PEX14: variants seen among roughly 807,000 people sequenced by gnomAD.
PEX14 encodes peroxisomal membrane protein PEX14.
A neutral mutation model predicts 49.5 loss-of-function variants in PEX14; 15 were observed. The observed-to-expected ratio is 0.30, with a 90% CI of 0.20 to 0.47. The LOEUF (loss-of-function observed/expected upper bound fraction) is 0.47, where lower values mean the gene tolerates loss of function less well. PEX14 is among the 20% of genes least tolerant of loss of function. PEX14 has a pLI of 1.00. For synonymous variants in PEX14, 210 were observed against 212.7 expected, an observed-to-expected ratio of 0.99 and a Z score of 0.11; for missense variants, 398 against 494.8, an observed-to-expected ratio of 0.80 and a Z score of 1.86.
chr1:10,476,975 A>AT (rs375706430), intron 1 of PEX14, among the ~76,000 whole-genome samples: 4 of 151,796 alleles, frequency 2.6e-5, no homozygotes, highest in African/African-American at 9.7e-5. Flanking sequence ...CACTTGTTTG[A>AT]TTTTCAGCTC....
chr1:10,585,154 T>C (rs1320981967), intron 3 of PEX14, among the ~76,000 whole-genome samples: 1 of 152,330 alleles, frequency 6.6e-6, no homozygotes, highest in South Asian at 2.1e-4. Context: ...CAGTAATTAC[T>C]GTTGCAGACA....
At chr1:10,537,274 G>T (rs1023100788) in intron 3 of PEX14, among the ~76,000 whole-genome samples, 2 of 148,810 alleles carry the variant, frequency 1.3e-5, no homozygotes, top group African/African-American at 2.5e-5. Flanking sequence ...CAGCCCCAAG[G>T]CTGGGTCCCT....
At chr1:10,546,022 G>A (rs892122692) in intron 3 of PEX14, among the ~76,000 whole-genome samples, 1 of 152,100 alleles carries the variant, frequency 6.6e-6, no homozygotes, top group Admixed American at 6.6e-5. Context: ...TGTAGCCTGG[G>A]TGACAGAGCA....
intron 7 of PEX14, 136 bp downstream of exon 7, chr1:10,624,573 G>A (rs1641691792): frequency 5.7e-6 from 4 of 700,130 alleles, no homozygotes; most frequent in Non-Finnish European, 8.0e-6. Context: ...CACAGCCGTG[G>A]CCGATGCTGC....
intron 7 of PEX14, among the ~76,000 whole-genome samples, chr1:10,625,781 G>A (rs1346689670): frequency 6.6e-6 from 1 of 152,212 alleles, no homozygotes; most frequent in Non-Finnish European, 1.5e-5. Flanking sequence ...CAGGCCTTAC[G>A]CCTGAGATTA....
intron 3 of PEX14, among the ~76,000 whole-genome samples, chr1:10,582,619 G>A (rs1011059207): frequency 6.6e-6 from 1 of 152,184 alleles, no homozygotes; most frequent in Admixed American, 6.5e-5. Context: ...CATCAGGGGT[G>A]GAAGACTGAT....
At chr1:10,593,045 G>A (rs1640717056) in intron 3 of PEX14, among the ~76,000 whole-genome samples, 1 of 152,222 alleles carries the variant, frequency 6.6e-6, no homozygotes, top group Non-Finnish European at 1.5e-5. Flanking sequence ...CAGTCTTTCA[G>A]CTAGCAGTGA....
intron 2 of PEX14, among the ~76,000 whole-genome samples, chr1:10,525,485 G>T (rs1570206980): frequency 6.6e-6 from 1 of 152,162 alleles, no homozygotes; most frequent in Non-Finnish European, 1.5e-5. Context: ...CCACCAACTT[G>T]TCCCTGTGGA....
intron 2 of PEX14, among the ~76,000 whole-genome samples, chr1:10,519,951 TTTG>T (rs1001880195): frequency 4.6e-5 from 7 of 151,870 alleles, no homozygotes; most frequent in African/African-American, 7.3e-5. Context: ...ATTTGAAATT[TTTG>T]TTGTTGTTGT....
At chr1:10,518,991 T>G (rs1189600823) in intron 2 of PEX14, among the ~76,000 whole-genome samples, 2 of 152,088 alleles carry the variant, frequency 1.3e-5, no homozygotes, top group African/African-American at 4.8e-5. Context: ...GTGGTGGAGT[T>G]GGAGAGGCCC....
At chr1:10,492,445 G>C (rs559560115) in intron 1 of PEX14, among the ~76,000 whole-genome samples, 1 of 152,280 alleles carries the variant, frequency 6.6e-6, no homozygotes, top group African/African-American at 2.4e-5. Flanking sequence ...AACAAAACTT[G>C]CTTATTTTGA....
rs1437913269 is a variant in PEX14, at chr1:10,529,676, TAAGA to T, written c.85-6536_85-6533del. Among the ~76,000 whole-genome samples, 9 of 152,242 alleles carry T rather than the reference TAAGA, an allele frequency of 5.9e-5. No individual in the cohort carries two copies. Among genetic ancestry groups the T allele is most frequent in the African/African-American group, 1.9e-4 (8 of 41,454 alleles). ...TTTTACTACATATATCAATGAGTTT[TAAGA>T]GAGACTAGGGTCAATAATGCATGCT... On this transcript the variant is annotated intron_variant, in intron 2 of 8. Transcript: ENST00000356607. This position sits in a 1 kb window ranked among gnomAD's most constrained non-coding sequence, Gnocchi z 4.2.
chr1:10,477,091 GAC>G (rs1264485321), intron 1 of PEX14, among the ~76,000 whole-genome samples: 1 of 149,158 alleles, frequency 6.7e-6, no homozygotes, highest in African/African-American at 2.5e-5. Flanking sequence ...TTTTTTTTGA[GAC>G]AGAGTCTCGC....
intron 3 of PEX14, among the ~76,000 whole-genome samples, chr1:10,561,913 C>T (rs1639662648): frequency 6.6e-6 from 1 of 152,118 alleles, no homozygotes; most frequent in South Asian, 2.1e-4. Context: ...GTTCAGAGTG[C>T]TATAATCTAT....
intron 8 of PEX14, among the ~76,000 whole-genome samples, chr1:10,627,865 C>T (rs1330824082): frequency 6.6e-6 from 1 of 152,266 alleles, no homozygotes; most frequent in Non-Finnish European, 1.5e-5. Context: ...ACATTGTCAC[C>T]AATGCAGCCT....
chr1:10,568,728 G>A (rs1639885882), intron 3 of PEX14, among the ~76,000 whole-genome samples: 2 of 151,972 alleles, frequency 1.3e-5, no homozygotes, highest in South Asian at 2.1e-4. Flanking sequence ...TTAAGGTAGA[G>A]TGTTTTTTGT....
intron 2 of PEX14, among the ~76,000 whole-genome samples, chr1:10,496,025 G>A (rs765570865): frequency 2.0e-5 from 3 of 152,170 alleles, no homozygotes; most frequent in Admixed American, 2.0e-4. Flanking sequence ...TTCTTCCTGC[G>A]TAGCGATAGC....
At chr1:10,507,018 C>T (rs1038450286) in intron 2 of PEX14, among the ~76,000 whole-genome samples, 8 of 152,222 alleles carry the variant, frequency 5.3e-5, no homozygotes, top group African/African-American at 1.9e-4. Flanking sequence ...TTACTAGCTC[C>T]GATCACATAG....
At chr1:10,492,863 G>A (rs1641494629) in intron 1 of PEX14, among the ~76,000 whole-genome samples, 1 of 152,232 alleles carries the variant, frequency 6.6e-6, no homozygotes, top group Admixed American at 6.5e-5. Flanking sequence ...ACAGGCATCA[G>A]TCCGATAGTC....
Sources: allele counts gnomAD v4.1 joint callset (sites outside exome capture counted in the v4.1 genomes callset), GRCh38; gene constraint gnomAD v4.1.1; non-coding constraint Gnocchi (gnomAD v3.1); transcripts MANE v1.5; gene names NCBI Gene and HGNC (gene_info 2026-07-23, HGNC 2026-07-21).